Variants in CTNND2 observed in about 807,000 individuals in gnomAD.
CTNND2 encodes catenin delta-2.
A neutral mutation model predicts 144.4 loss-of-function variants in CTNND2; 22 were observed. The observed-to-expected ratio is 0.15, with a 90% CI of 0.11 to 0.22. The LOEUF is 0.22. CTNND2 is among the 10% of genes least tolerant of loss of function. CTNND2 has a pLI of 1.00. For synonymous variants in CTNND2, 751 were observed against 695.6 expected (o/e 1.08, Z -1.25); for missense variants, 1,353 against 1,618.8 (o/e 0.84, Z 2.82).
At chr5:11,483,353 G>C (rs953805982) in intron 3 of CTNND2, among the ~76,000 whole-genome samples, 5 of 152,190 alleles carry the variant, frequency 3.3e-5, no homozygotes, top group African/African-American at 9.7e-5. Context: ...TCTTGGCTAT[G>C]AGGAGTGTGA....
At chr5:11,028,792 T>C (rs1378119689) in intron 16 of CTNND2, among the ~76,000 whole-genome samples, 1 of 152,242 alleles carries the variant, frequency 6.6e-6, no homozygotes, top group East Asian at 1.9e-4. Flanking sequence ...GACTGCAACC[T>C]CTGCCTCCTG....
intron 1 of CTNND2, among the ~76,000 whole-genome samples, chr5:11,801,875 A>T (rs1791701154): frequency 6.6e-6 from 1 of 152,214 alleles, no homozygotes; most frequent in African/African-American, 2.4e-5. Context: ...TTGATCCTAT[A>T]ATATTTGGAA....
intron 17 of CTNND2, among the ~76,000 whole-genome samples, chr5:11,019,062 T>G (rs1029349700): frequency 2.6e-5 from 4 of 152,182 alleles, no homozygotes; most frequent in African/African-American, 9.7e-5. Flanking sequence ...GGAGAAAAGT[T>G]TAAAGCTAGC....
At chr5:11,676,579 C>A (rs1455166251) in intron 2 of CTNND2, among the ~76,000 whole-genome samples, 2 of 146,262 alleles carry the variant, frequency 1.4e-5, no homozygotes, top group Non-Finnish European at 3.0e-5. Context: ...TGAATGCTGA[C>A]AAACGGTTCG....
chr5:11,066,501 A>G (rs1747622932), intron 16 of CTNND2, among the ~76,000 whole-genome samples: 1 of 87,734 alleles, frequency 1.1e-5, no homozygotes, highest in Non-Finnish European at 2.1e-5. Flanking sequence ...CACCCCCTGC[A>G]CTTTGAGTTG....
At chr5:11,337,954 G>A (rs1753886496) in intron 9 of CTNND2, among the ~76,000 whole-genome samples, 1 of 152,126 alleles carries the variant, frequency 6.6e-6, no homozygotes, top group Non-Finnish European at 1.5e-5. Context: ...CCTGGAACAG[G>A]GGATATAGTG....
intron 11 of CTNND2, among the ~76,000 whole-genome samples, chr5:11,182,266 G>A (rs1580516823): frequency 6.6e-6 from 1 of 151,756 alleles, no homozygotes; most frequent in Admixed American, 6.6e-5. Flanking sequence ...GTGTGTGCAT[G>A]CACACACCCG....
At chr5:11,549,734 T>A (rs1561543587) in intron 3 of CTNND2, among the ~76,000 whole-genome samples, 1 of 152,206 alleles carries the variant, frequency 6.6e-6, no homozygotes, top group Non-Finnish European at 1.5e-5. Context: ...ACTATCCACC[T>A]GAGGGCAATA....
At chr5:10,977,611 C>T (rs1736659918) in intron 21 of CTNND2, among the ~76,000 whole-genome samples, 1 of 152,180 alleles carries the variant, frequency 6.6e-6, no homozygotes, top group Admixed American at 6.5e-5. Flanking sequence ...CACCACCATG[C>T]CCAGCTAATT....
At chr5:11,472,218 G>T (rs901895695) in intron 3 of CTNND2, among the ~76,000 whole-genome samples, 1 of 152,102 alleles carries the variant, frequency 6.6e-6, no homozygotes, top group Non-Finnish European at 1.5e-5. Flanking sequence ...AATCTCAACT[G>T]TTGTAAATTC....
At chr5:11,243,089 G>A (rs945516128) in intron 9 of CTNND2, among the ~76,000 whole-genome samples, 5 of 152,160 alleles carry the variant, frequency 3.3e-5, no homozygotes, top group South Asian at 2.1e-4. Context: ...TCACTGATAC[G>A]TATTCATTTA....
At chr5:10,991,502 A>G (rs1306051436) in intron 19 of CTNND2, among the ~76,000 whole-genome samples, 2 of 152,260 alleles carry the variant, frequency 1.3e-5, no homozygotes, top group Non-Finnish European at 2.9e-5. Context: ...TTTAAAAACT[A>G]AACTGTGAGG....
At chr5:10,977,271 A>G (rs1736613256) in intron 21 of CTNND2, among the ~76,000 whole-genome samples, 1 of 152,216 alleles carries the variant, frequency 6.6e-6, no homozygotes, top group Non-Finnish European at 1.5e-5. Context: ...AAGGAACTCA[A>G]GATTCCGGTT....
chr5:11,136,977 C>T (rs1297932341), intron 12 of CTNND2, among the ~76,000 whole-genome samples: 1 of 152,248 alleles, frequency 6.6e-6, no homozygotes. Context: ...TCCCACCCCA[C>T]TGATGTTACC....
intron 2 of CTNND2, among the ~76,000 whole-genome samples, chr5:11,716,858 T>C (rs889090567): frequency 2.6e-5 from 4 of 151,422 alleles, no homozygotes; most frequent in Non-Finnish European, 4.4e-5. Context: ...AGCTAAGTTT[T>C]GTGTTTTTTG....
At chr5:11,358,898 A>G (rs1188036112) in intron 8 of CTNND2, among the ~76,000 whole-genome samples, 1 of 152,232 alleles carries the variant, frequency 6.6e-6, no homozygotes, top group Admixed American at 6.5e-5. Context: ...GCTGACACAT[A>G]CATCACAGAA....
intron 9 of CTNND2, among the ~76,000 whole-genome samples, chr5:11,259,894 T>C (rs542706403): frequency 6.6e-6 from 1 of 152,328 alleles, no homozygotes; most frequent in East Asian, 1.9e-4. Context: ...CAGAGAGCTG[T>C]TCATCTGCTG....
chr5:11,005,199 C>T (rs897787725), intron 18 of CTNND2, among the ~76,000 whole-genome samples: 49 of 152,088 alleles, frequency 3.2e-4, no homozygotes, highest in African/African-American at 1.2e-3. Flanking sequence ...CAGGCAATGC[C>T]AAGGCTCTGA....
At chr5:11,571,402 C>T (rs138111426) in intron 2 of CTNND2, among the ~76,000 whole-genome samples, 1 of 152,078 alleles carries the variant, frequency 6.6e-6, no homozygotes, top group Non-Finnish European at 1.5e-5. Context: ...TGTGCATAAA[C>T]ATTTGCCTGC....
Sources: gnomAD v4.1 joint callset for allele counts (sites outside exome capture counted in the v4.1 genomes callset) on GRCh38, gnomAD v4.1.1 for gene constraint, MANE v1.5 for transcripts, NCBI Gene and HGNC (gene_info 2026-07-23, HGNC 2026-07-21) for gene names.